The following NAV1 variants were observed in gnomAD, a reference collection of about 807,000 sequenced individuals.
NAV1 encodes the protein pore membrane and/or filament interacting like protein 3.
A neutral mutation model predicts 175.2 loss-of-function variants in NAV1; 18 were observed. The observed-to-expected ratio is 0.10, with a 90% confidence interval of 0.07 to 0.15. The LOEUF is 0.15. Ranked by LOEUF, NAV1 falls within the 10% of genes least tolerant of loss-of-function variation. The pLI is 1.00. For synonymous variants in NAV1, 897 were observed against 978.7 expected (o/e 0.92, Z 1.56); for missense variants, 1,731 against 2,436.6 (o/e 0.71, Z 6.10).
intron 12 of NAV1, 24 bp downstream of exon 16, chr1:201,790,601 TG>T: frequency 6.2e-7 from 1 of 1,614,126 alleles, no homozygotes; most frequent in Non-Finnish European, 8.5e-7. Flanking sequence ...CCTTTGTCTC[TG>T]CTTGTTAACA....
rs1166492650 is a variant in NAV1 at position 201,648,722 on chromosome 1, CG to C, written c.56del (p.Gly19AlafsTer46). ...AGCCCGAGGTGGAGCTGAGCAGCGG[CG>C]GCGGCGACGAGGGCGCGGACGAACC... is the stretch of plus-strand genomic sequence containing the variant. On this transcript the variant is annotated frameshift_variant, in exon 1 of 30. Transcript: ENST00000367296. LOFTEE classifies it high-confidence loss of function. 1 of 1,415,464 alleles carries C rather than the reference CG, an allele frequency of 7.1e-7. No individual in the cohort carries two copies. The highest frequency in any genetic ancestry group is 3.0e-5 in the East Asian group (1 of 32,892). 87.7% of individuals were successfully genotyped at this position (1,415,464 alleles called of 1,614,324 possible). A position where few individuals can be genotyped will look rare whatever the true frequency, so the allele number is the denominator to read the frequency against.
chr1:201,761,101 G>C (rs1225007135), intron 3 of NAV1, among the ~76,000 whole-genome samples: 1 of 152,202 alleles, frequency 6.6e-6, no homozygotes, highest in Admixed American at 6.5e-5. Context: ...TAAAGATTTT[G>C]TTGACTGAAT....
At chr1:201,611,476 T>C (rs953921961) in intron 2 of NAV1, among the ~76,000 whole-genome samples, 1 of 152,130 alleles carries the variant, frequency 6.6e-6, no homozygotes, top group African/African-American at 2.4e-5. Flanking sequence ...CAATGCCCAG[T>C]CTGGAAACAC....
intron 1 of NAV1, among the ~76,000 whole-genome samples, chr1:201,663,589 G>A (rs904401805): frequency 6.6e-6 from 1 of 152,218 alleles, no homozygotes; most frequent in Non-Finnish European, 1.5e-5. Context: ...TCCCAGGGCT[G>A]AGGCATAAAA....
intron 1 of NAV1, among the ~76,000 whole-genome samples, chr1:201,658,743 G>C (rs1669500670): frequency 6.6e-6 from 1 of 152,176 alleles, no homozygotes; most frequent in African/African-American, 2.4e-5. Context: ...AGATGTTGCT[G>C]ATCGATGAGA....
At chr1:201,783,650 G>A (rs573744369) in exon 7 of NAV1, 1 of 1,614,208 alleles carries the variant, frequency 6.2e-7, no homozygotes, top group East Asian at 2.2e-5. Context: ...TGGTTTCAGT[G>A]TGCCAAAAGA....
At chr1:201,785,047 C>T (rs912138498) in intron 7 of NAV1, among the ~76,000 whole-genome samples, 9 of 152,196 alleles carry the variant, frequency 5.9e-5, no homozygotes, top group Admixed American at 4.6e-4. Flanking sequence ...GGATTACAGG[C>T]GTGAGCTACG....
upstream of NAV1, among the ~76,000 whole-genome samples, chr1:201,647,794 C>G (rs1247720727): frequency 6.6e-6 from 1 of 152,044 alleles, no homozygotes; most frequent in East Asian, 1.9e-4. Context: ...TCCTCCACCC[C>G]TCTCCCGACA....
intron 3 of NAV1, among the ~76,000 whole-genome samples, chr1:201,778,302 G>C (rs1676087995): frequency 1.3e-5 from 2 of 152,066 alleles, no homozygotes; most frequent in Admixed American, 1.3e-4. Flanking sequence ...TTTTTGCGAG[G>C]GTCCTTCCAT....
intron 15 of NAV1, chr1:201,797,487 T>C (rs922295208): frequency 5.9e-5 from 9 of 152,356 alleles, no homozygotes; most frequent in Admixed American, 5.2e-4. Flanking sequence ...TCAAGGTTGT[T>C]TTGGCTACTC....
At position 201,631,484 on chromosome 1, in the gene NAV1, G is replaced by A. The variant is rs1214688999; in HGVS notation, c.4+1977G>A. On this transcript the variant is annotated intron_variant, in intron 2 of 29. Transcript: ENST00000367302. ...GTGTTTGCCTTGTGCTGAACACTGTGCTTGACACTGGGGTAAAAGACAAAT... is the reference window on the plus strand; with the variant it reads ...GTGTTTGCCTTGTGCTGAACACTGTACTTGACACTGGGGTAAAAGACAAAT... Among the ~76,000 whole-genome samples, 7 of 152,226 alleles carry A rather than the reference G, an allele frequency of 4.6e-5. No individual in the cohort carries two copies. The East Asian group carries it at 1.3e-3, about 29-fold the overall frequency.
At chr1:201,674,204 T>A (rs949491054) in intron 1 of NAV1, 3 of 152,118 alleles carry the variant, frequency 2.0e-5, no homozygotes, top group Admixed American at 2.0e-4. Context: ...CCAAGTTAAG[T>A]CGCCATGGTA....
At chr1:201,688,011 G>A (rs994959466) in intron 1 of NAV1, among the ~76,000 whole-genome samples, 1 of 152,266 alleles carries the variant, frequency 6.6e-6, no homozygotes, top group Admixed American at 6.5e-5. Flanking sequence ...TAACATGAAA[G>A]TGACAATGCA....
intron 1 of NAV1, among the ~76,000 whole-genome samples, chr1:201,548,019 C>T (rs1665718767): frequency 6.6e-6 from 1 of 152,152 alleles, no homozygotes; most frequent in Non-Finnish European, 1.5e-5. Flanking sequence ...GTCTGAAACT[C>T]CTGACCTTGT....
intron 2 of NAV1, among the ~76,000 whole-genome samples, chr1:201,591,545 G>C (rs1421389662): frequency 6.6e-6 from 1 of 152,206 alleles, no homozygotes; most frequent in African/African-American, 2.4e-5. Flanking sequence ...TGAGGAGCTA[G>C]GTTGGCACTG....
chr1:201,644,824 C>T (rs1668920630), upstream of NAV1, among the ~76,000 whole-genome samples: 1 of 152,088 alleles, frequency 6.6e-6, no homozygotes, highest in Admixed American at 6.5e-5. Flanking sequence ...TAGGATATCC[C>T]ATGAGAGCAT....
At chr1:201,744,320 T>TTATA (rs1451141981) in intron 3 of NAV1, among the ~76,000 whole-genome samples, 1 of 132,266 alleles carries the variant, frequency 7.6e-6, no homozygotes, top group Non-Finnish European at 1.6e-5. Context: ...ATGTATGTAT[T>TTATA]TATTTATTTA....
chr1:201,790,815 G>T, intron 13 of NAV1, 49 bp downstream of exon 17: 2 of 1,596,806 alleles, frequency 1.3e-6, no homozygotes, highest in Non-Finnish European at 1.7e-6. Flanking sequence ...TTTGACTATC[G>T]TTAGACAAGT....
At chr1:201,701,139 A>G (rs1377810802) in intron 1 of NAV1, among the ~76,000 whole-genome samples, 8 of 151,840 alleles carry the variant, frequency 5.3e-5, no homozygotes, top group Non-Finnish European at 1.2e-4. Flanking sequence ...GGAAACCATC[A>G]TTCTGAGCAA....
Sources: gnomAD v4.1 joint callset for allele counts (sites outside exome capture counted in the v4.1 genomes callset) on GRCh38, gnomAD v4.1.1 for gene constraint, MANE v1.5 for transcripts, NCBI Gene and HGNC (gene_info 2026-07-23, HGNC 2026-07-21) for gene names.